CDH4: variants seen among roughly 807,000 people sequenced by gnomAD.
CDH4 encodes the protein cadherin 4.
A neutral mutation model predicts 86.0 loss-of-function variants in CDH4; 33 were observed. That is an observed-to-expected ratio of 0.38 (90% CI 0.29 to 0.51). The LOEUF is 0.51. CDH4 is among the 20% of genes least tolerant of loss of function. CDH4 has a pLI of 0.86. For synonymous variants in CDH4, 555 were observed against 549.4 expected (o/e 1.01, Z -0.14); for missense variants, 1,114 against 1,307.4 (o/e 0.85, Z 2.28).
chr20:61,678,896 G>A (rs1048259529), intron 2 of CDH4, among the ~76,000 whole-genome samples: 10 of 152,240 alleles, frequency 6.6e-5, no homozygotes, highest in African/African-American at 2.4e-4. Context: ...TACACTGGCA[G>A]ATAAGGTCCC....
intron 4 of CDH4, among the ~76,000 whole-genome samples, chr20:61,775,393 GC>G (rs2145989863): frequency 6.6e-6 from 1 of 151,904 alleles, no homozygotes; most frequent in African/African-American, 2.4e-5. Flanking sequence ...CCCCCACATT[GC>G]CCCTGGTAGA....
At chr20:61,656,433 C>A (rs2087191996) in intron 2 of CDH4, among the ~76,000 whole-genome samples, 1 of 151,868 alleles carries the variant, frequency 6.6e-6, no homozygotes, top group African/African-American at 2.4e-5. Context: ...CAGGTGCATG[C>A]TGGGGTGGAA....
chr20:61,308,390 G>A (rs1005612595), intron 2 of CDH4, among the ~76,000 whole-genome samples: 2 of 152,200 alleles, frequency 1.3e-5, no homozygotes, highest in African/African-American at 4.8e-5. Context: ...AGTGGGATCC[G>A]ATGTCTTTTG....
At chr20:61,606,038 C>A (rs933309941) in intron 2 of CDH4, among the ~76,000 whole-genome samples, 1 of 152,200 alleles carries the variant, frequency 6.6e-6, no homozygotes. Flanking sequence ...TGGCATCCCG[C>A]TGACTCTGAG....
chr20:61,304,013 G>T (rs967142328), intron 2 of CDH4, among the ~76,000 whole-genome samples: 1 of 152,150 alleles, frequency 6.6e-6, no homozygotes, highest in East Asian at 1.9e-4. Context: ...ATAGGCTCCT[G>T]CCAGTGGCTT....
intron 2 of CDH4, among the ~76,000 whole-genome samples, chr20:61,424,255 T>C (rs1023571077): frequency 5.1e-5 from 7 of 137,382 alleles, no homozygotes; most frequent in Middle Eastern, 4.0e-3. Flanking sequence ...TCCACACACA[T>C]ATATCCACAC....
intron 2 of CDH4, among the ~76,000 whole-genome samples, chr20:61,521,034 C>T (rs184609864): frequency 7.2e-5 from 11 of 152,294 alleles, no homozygotes; most frequent in African/African-American, 2.6e-4. Context: ...CCCGCACCCA[C>T]CTCCTTATTA....
At chr20:61,701,797 C>T (rs973407276) in intron 2 of CDH4, among the ~76,000 whole-genome samples, 7 of 152,206 alleles carry the variant, frequency 4.6e-5, no homozygotes, top group Non-Finnish European at 8.8e-5. Flanking sequence ...ACAAAGCGTC[C>T]ATTGGCAAAA....
intron 2 of CDH4, among the ~76,000 whole-genome samples, chr20:61,486,147 A>G (rs1399822099): frequency 6.6e-6 from 1 of 152,246 alleles, no homozygotes; most frequent in African/African-American, 2.4e-5. Flanking sequence ...AACTCAGCTA[A>G]AGGCAAAATG....
chr20:61,853,509 C>T (rs59809686), intron 6 of CDH4, among the ~76,000 whole-genome samples: 12,061 of 152,188 alleles, frequency 0.079, 594 homozygotes, highest in East Asian at 0.14. Flanking sequence ...TTCACTCTGG[C>T]ACCGGTGGTG....
At chr20:61,341,609 A>C (rs1260280215) in intron 2 of CDH4, among the ~76,000 whole-genome samples, 7 of 151,660 alleles carry the variant, frequency 4.6e-5, no homozygotes, top group Admixed American at 2.0e-4. Context: ...GGTAAATGAG[A>C]AGATTGGAGA....
intron 2 of CDH4, among the ~76,000 whole-genome samples, chr20:61,590,224 A>G (rs539616206): frequency 1.3e-5 from 2 of 152,112 alleles, no homozygotes; most frequent in Non-Finnish European, 2.9e-5. Flanking sequence ...AGAGACAGGA[A>G]TGGATGGGGA....
chr20:61,737,315 G>A (rs942014516), intron 2 of CDH4, among the ~76,000 whole-genome samples: 5 of 152,136 alleles, frequency 3.3e-5, no homozygotes, highest in African/African-American at 1.2e-4. Context: ...GGGCCAGGTT[G>A]CCCAGAACCT....
intron 2 of CDH4, among the ~76,000 whole-genome samples, chr20:61,599,197 G>C (rs1221258404): frequency 6.6e-6 from 1 of 152,118 alleles, no homozygotes. Flanking sequence ...ATGTCCTGCT[G>C]ATCACTCCCA....
In CDH4 at chr20:61,810,926, G is replaced by A. The variant is rs1980401762; in HGVS notation, c.577-33742G>A. Among the ~76,000 whole-genome samples the A allele has an allele frequency of 6.6e-6, 1 of 152,200 alleles. No homozygotes were observed. The highest frequency in any genetic ancestry group is 1.5e-5 in the Non-Finnish European group (1 of 68,040). On this transcript the variant is annotated intron_variant, in intron 4 of 15. Transcript: ENST00000614565. This position sits in a 1 kb window ranked among gnomAD's most constrained non-coding sequence, Gnocchi z 4.3. ...AGGAAGCTTCGAGACGGGGGCTGCA[G>A]GAGCCTGCAGAGCCTGCGTTATCCT...
At chr20:61,767,305 T>C (rs2088711340) in intron 3 of CDH4, among the ~76,000 whole-genome samples, 1 of 152,206 alleles carries the variant, frequency 6.6e-6, no homozygotes. Context: ...GTTTGCTCCA[T>C]AGAAAGTGAG....
At chr20:61,707,858 C>G (rs1476485631) in intron 2 of CDH4, among the ~76,000 whole-genome samples, 1 of 152,188 alleles carries the variant, frequency 6.6e-6, no homozygotes. Flanking sequence ...AGGCGGAGGA[C>G]CTGCCAGGAG....
chr20:61,314,521 A>G (rs557532106), intron 2 of CDH4, among the ~76,000 whole-genome samples: 19 of 152,292 alleles, frequency 1.2e-4, no homozygotes, highest in African/African-American at 3.8e-4. Context: ...TTCGCCCACC[A>G]GTGGACACTG....
At position 61,917,031 on chromosome 20, in the gene CDH4, A is replaced by G. The variant is rs552033736; in HGVS notation, c.1375-6420A>G. ...TGTTTGGTCACCTCTGTTCTCAGCC[A>G]TCAGTCACCCAAATCCTGGCTGCAT... On this transcript the variant is annotated intron_variant, in intron 9 of 15. Transcript: ENST00000614565. Among the ~76,000 whole-genome samples the G allele has an allele frequency of 9.8e-5, 15 of 152,300 alleles. No homozygotes were observed. In the East Asian group the frequency reaches 2.5e-3, roughly 25 times the overall value.
Sources: gnomAD v4.1 joint callset for allele counts (sites outside exome capture counted in the v4.1 genomes callset) on GRCh38, gnomAD v4.1.1 for gene constraint, Gnocchi (gnomAD v3.1) non-coding constraint, MANE v1.5 for transcripts, NCBI Gene and HGNC (gene_info 2026-07-23, HGNC 2026-07-21) for gene names.